CACNA2D1: variants seen among roughly 807,000 people sequenced by gnomAD.
The protein encoded by CACNA2D1 is calcium voltage-gated channel auxiliary subunit alpha2delta 1.
A neutral mutation model predicts 171.5 loss-of-function variants in CACNA2D1; 53 were observed. The observed-to-expected ratio is 0.31, with a 90% CI of 0.25 to 0.39. The LOEUF (loss-of-function observed/expected upper bound fraction) is 0.39, where lower values mean the gene tolerates loss of function less well. Ranked by LOEUF, CACNA2D1 falls within the 10% of genes least tolerant of loss-of-function variation. CACNA2D1 has a pLI of 1.00. For synonymous variants in CACNA2D1, 442 were observed against 443.1 expected (o/e 1.00, Z 0.03); for missense variants, 903 against 1,299.8 (o/e 0.69, Z 4.69).
intron 1 of CACNA2D1, among the ~76,000 whole-genome samples, chr7:82,393,243 A>C (rs1393174299): frequency 1.3e-5 from 2 of 152,144 alleles, no homozygotes; most frequent in Admixed American, 6.5e-5. Flanking sequence ...ATATACAAAC[A>C]TGTAGGAGTT....
chr7:82,107,201 C>T (rs753215424), intron 6 of CACNA2D1, among the ~76,000 whole-genome samples: 3 of 152,000 alleles, frequency 2.0e-5, no homozygotes, highest in Non-Finnish European at 4.4e-5. Flanking sequence ...CCTGTAGTAC[C>T]CTAGGTAGTT....
intron 1 of CACNA2D1, among the ~76,000 whole-genome samples, chr7:82,402,705 C>CAAAAAAAA (rs59290672): frequency 1.4e-4 from 9 of 64,826 alleles, no homozygotes; most frequent in East Asian, 5.0e-4. Flanking sequence ...GACTCTGTCT[C>CAAAAAAAA]AAAAAAAAAA....
chr7:82,046,760 C>T (rs186334363), intron 10 of CACNA2D1, among the ~76,000 whole-genome samples: 30 of 152,156 alleles, frequency 2.0e-4, no homozygotes, highest in African/African-American at 3.1e-4. Flanking sequence ...TATAAAGACA[C>T]GAATTGTGTT....
intron 3 of CACNA2D1, among the ~76,000 whole-genome samples, chr7:82,305,359 G>T (rs1245450993): frequency 6.6e-6 from 1 of 152,130 alleles, no homozygotes; most frequent in African/African-American, 2.4e-5. Flanking sequence ...TATTCAGAGG[G>T]TCTACAAATT....
intron 3 of CACNA2D1, among the ~76,000 whole-genome samples, chr7:82,193,500 C>A (rs1798547442): frequency 6.6e-6 from 1 of 151,758 alleles, no homozygotes; most frequent in Non-Finnish European, 1.5e-5. Flanking sequence ...AAGCGTGAAC[C>A]AAAATGAAAT....
intron 3 of CACNA2D1, among the ~76,000 whole-genome samples, chr7:82,288,288 C>T (rs967741198): frequency 6.6e-6 from 1 of 151,904 alleles, no homozygotes; most frequent in Non-Finnish European, 1.5e-5. Context: ...TTATCCTACC[C>T]TTGTCCTCTA....
intron 21 of CACNA2D1, 57 bp from the exon 22 acceptor site, chr7:81,984,768 A>T (rs1796785868): frequency 3.4e-6 from 3 of 893,756 alleles, no homozygotes; most frequent in Non-Finnish European, 5.4e-6. Flanking sequence ...AACATAACTT[A>T]AAAAAAAGAC....
At chr7:82,098,236 A>G (rs1238868088) in intron 6 of CACNA2D1, among the ~76,000 whole-genome samples, 2 of 152,240 alleles carry the variant, frequency 1.3e-5, no homozygotes, top group Admixed American at 6.5e-5. Context: ...ATAATTTCCC[A>G]TTAAAAAGTG....
At chr7:82,226,387 A>G (rs990859925) in intron 3 of CACNA2D1, among the ~76,000 whole-genome samples, 2 of 152,182 alleles carry the variant, frequency 1.3e-5, no homozygotes, top group African/African-American at 4.8e-5. Flanking sequence ...TGCATTTTAG[A>G]TGAGGTAAGC....
chr7:81,980,150 A>G (rs1335892578), intron 24 of CACNA2D1, among the ~76,000 whole-genome samples: 2 of 149,076 alleles, frequency 1.3e-5, no homozygotes, highest in Non-Finnish European at 3.0e-5. Flanking sequence ...AATGGAAAAA[A>G]GAAGGTAAAA....
In CACNA2D1 at chr7:81,979,015, G is replaced by A. The variant is rs552834958; in HGVS notation, c.1955+3552C>T. Reference sequence around the variant, plus strand: ...TCAGCTATAAAAAAAGTACTGATACGTGCAACAACATGGATGAACCTTGAA... The same window carrying A: ...TCAGCTATAAAAAAAGTACTGATACATGCAACAACATGGATGAACCTTGAA... On this transcript the variant is annotated intron_variant, in intron 24 of 38. Transcript: ENST00000356860. 2.7e-4 allele frequency among the ~76,000 whole-genome samples: 41 copies of A among 151,806 alleles called. No individual in the cohort carries two copies. The East Asian group carries it at 4.1e-3, about 15-fold the overall frequency.
rs1428658778 is a variant in CACNA2D1 at position 81,983,485 on chromosome 7, G to A, written c.1874-151C>T. ...GTTCATTTATGTACAGCTGTAGTCT[G>A]AGGAAAAAAAAGACATATTTTGAAG... On this transcript the variant is annotated intron_variant, in intron 22 of 38. Coordinates refer to ENST00000356860, the MANE Select transcript of CACNA2D1 (RefSeq NM_000722.4). The A allele has an allele frequency of 3.1e-5, 21 of 679,616 alleles. 1 individual carries two copies. The South Asian group carries it at 3.3e-4, about 11-fold the overall frequency. The allele number at this position is 679,616 out of a possible 1,614,324, so 42.1% of individuals were successfully genotyped here.
chr7:81,980,726 G>C (rs889203016), intron 24 of CACNA2D1, among the ~76,000 whole-genome samples: 3 of 152,074 alleles, frequency 2.0e-5, no homozygotes, highest in African/African-American at 7.2e-5. Context: ...GCAGTGACCT[G>C]GATTAGGGCA....
At chr7:81,999,700 A>G (rs1268380827) in intron 18 of CACNA2D1, among the ~76,000 whole-genome samples, 1 of 152,194 alleles carries the variant, frequency 6.6e-6, no homozygotes, top group East Asian at 1.9e-4. Context: ...TGCTGCAAAA[A>G]CAAAAATTCA....
chr7:82,138,603 T>C (rs990340713), intron 4 of CACNA2D1, among the ~76,000 whole-genome samples: 5 of 151,874 alleles, frequency 3.3e-5, no homozygotes, highest in Non-Finnish European at 2.9e-5. Context: ...CCCGCCACCA[T>C]GCCCCGCTAA....
At chr7:82,094,976 T>C (rs930663435) in intron 6 of CACNA2D1, among the ~76,000 whole-genome samples, 5 of 152,050 alleles carry the variant, frequency 3.3e-5, no homozygotes, top group African/African-American at 1.2e-4. Context: ...GCAAATGTCT[T>C]CCCTAATTAA....
intron 10 of CACNA2D1, among the ~76,000 whole-genome samples, chr7:82,039,178 G>T (rs982435018): frequency 6.6e-6 from 1 of 152,106 alleles, no homozygotes; most frequent in Admixed American, 6.5e-5. Flanking sequence ...AAATGTTAAA[G>T]ATATTTTCAC....
intron 17 of CACNA2D1, 102 bp from the exon 18 acceptor site, chr7:82,005,599 T>A (rs1452392443): frequency 3.4e-6 from 3 of 877,268 alleles, no homozygotes; most frequent in Admixed American, 4.2e-5. Flanking sequence ...TTGTATAGCA[T>A]GTTGAAAGAT....
At chr7:82,370,303 TACTA>T (rs1474552413) in intron 1 of CACNA2D1, among the ~76,000 whole-genome samples, 1 of 151,946 alleles carries the variant, frequency 6.6e-6, no homozygotes, top group African/African-American at 2.4e-5. Context: ...ACTGATGAAT[TACTA>T]AATTAAACCA....
Sources: allele counts gnomAD v4.1 joint callset (sites outside exome capture counted in the v4.1 genomes callset), GRCh38; gene constraint gnomAD v4.1.1; transcripts MANE v1.5; gene names NCBI Gene and HGNC (gene_info 2026-07-23, HGNC 2026-07-21).